PPFIA1: variants seen among roughly 807,000 people sequenced by gnomAD.
PPFIA1 encodes PPFI scaffold protein A1.
PPFIA1 carries 25 observed loss-of-function variants against 149.9 expected under a neutral mutation model. That is an observed-to-expected ratio of 0.17 (90% confidence interval 0.12 to 0.23). The LOEUF is 0.23. Among genes scored for constraint, PPFIA1 ranks in the 10% least tolerant of loss-of-function variants. The pLI, the probability that PPFIA1 is intolerant of heterozygous loss-of-function variation, is 1.00. For missense variants in PPFIA1, 1,362 were observed against 1,506.5 expected, an observed-to-expected ratio of 0.90 and a Z score of 1.59; for synonymous variants, 549 against 552.8, an observed-to-expected ratio of 0.99 and a Z score of 0.10.
chr11:70,371,269 A>G (rs1035165468), intron 21 of PPFIA1: 4 of 314 alleles, frequency 0.013, no homozygotes, highest in Non-Finnish European at 0.017. Flanking sequence ...AGTCTCTTTA[A>G]GTATGTTGAG....
chr11:70,297,775 C>T (rs1290561426), intron 2 of PPFIA1, among the ~76,000 whole-genome samples: 1 of 152,148 alleles, frequency 6.6e-6, no homozygotes, highest in African/African-American at 2.4e-5. Flanking sequence ...GTCTGTGCTC[C>T]GAGGTTGTCA....
At chr11:70,375,202 ACTTC>A in intron 24 of PPFIA1, 109 bp downstream of exon 24, 2 of 346,730 alleles carry the variant, frequency 5.8e-6, no homozygotes, top group Non-Finnish European at 8.4e-6. Flanking sequence ...AAAAAAAAAA[ACTTC>A]AGACAACTAG....
At chr11:70,360,413 G>A (rs994749562) in intron 19 of PPFIA1, among the ~76,000 whole-genome samples, 1 of 152,244 alleles carries the variant, frequency 6.6e-6, no homozygotes, top group African/African-American at 2.4e-5. Context: ...CGTAAGTTGG[G>A]AACCCTCCTG....
intron 19 of PPFIA1, among the ~76,000 whole-genome samples, chr11:70,361,687 C>T (rs990132795): frequency 6.6e-6 from 1 of 151,616 alleles, no homozygotes; most frequent in Non-Finnish European, 1.5e-5. Context: ...ACAGTCATGG[C>T]CTACTGTAGC....
rs186348838 is a variant in PPFIA1, at chr11:70,348,098, G to A, written c.1932-91G>A. 127 of 1,048,548 alleles carry A rather than the reference G, an allele frequency of 1.2e-4. No individual in the cohort carries two copies. In the African/African-American group the frequency reaches 1.3e-3, roughly 10 times the overall value. 65.0% of individuals were successfully genotyped at this position (1,048,548 alleles called of 1,614,324 possible). ...AGCTTATTACTGGAGTTTACTCATA[G>A]TAATACAGAGTATAAGCATGGTTTT... On this transcript the variant is annotated intron_variant, in intron 15 of 27. Transcript: ENST00000253925.
intron 11 of PPFIA1, among the ~76,000 whole-genome samples, chr11:70,336,434 G>A (rs1247982638): frequency 6.6e-6 from 1 of 151,518 alleles, no homozygotes; most frequent in Non-Finnish European, 1.5e-5. Context: ...CCCAGGAGGT[G>A]GAGGTTGTAG....
At chr11:70,351,039 A>G in intron 16 of PPFIA1, 1 of 1,211,042 alleles carries the variant, frequency 8.3e-7, no homozygotes, top group Non-Finnish European at 1.1e-6. Context: ...TTGTTTAGTA[A>G]TTTAACATAT....
At chr11:70,365,832 T>C (rs2056898021) in intron 21 of PPFIA1, 1 of 409,942 alleles carries the variant, frequency 2.4e-6, no homozygotes, top group Non-Finnish European at 4.8e-6. Flanking sequence ...GTCTGAACTT[T>C]TTCACTCAGT....
At chr11:70,342,905 A>T (rs1457838235) in intron 14 of PPFIA1, among the ~76,000 whole-genome samples, 2 of 99,030 alleles carry the variant, frequency 2.0e-5, no homozygotes, top group African/African-American at 7.4e-5. Context: ...CATTCAAGTT[A>T]TTCCCTTGCA....
chr11:70,330,353 GTTAATTA>G, intron 8 of PPFIA1, 34 bp downstream of exon 8: 1 of 1,516,116 alleles, frequency 6.6e-7, no homozygotes. Flanking sequence ...TCTGGCTTTA[GTTAATTA>G]TTAATGAAGT....
At chr11:70,299,197 C>T (rs2052303597) in intron 2 of PPFIA1, among the ~76,000 whole-genome samples, 1 of 152,092 alleles carries the variant, frequency 6.6e-6, no homozygotes, top group Non-Finnish European at 1.5e-5. Flanking sequence ...CAAGATTGCA[C>T]CACTGCACTC....
Position 70,383,150 on chromosome 11 carries a change from A to C in PPFIA1, c.*160A>C, listed in dbSNP as rs1424217260. ...TTACAGAGTTTTTAATTAGTGAAAA[A>C]TTCATGAATACCATAGAGAAAATAT... On this transcript the variant is annotated 3_prime_UTR_variant, in exon 28 of 28. Coordinates refer to ENST00000253925, the MANE Select transcript of PPFIA1 (RefSeq NM_003626.5). 1.7e-5 allele frequency: 6 copies of C among 363,246 alleles called. No homozygotes were observed. The allele number at this position is 363,246 out of a possible 1,614,324, so 22.5% of individuals were successfully genotyped here.
At chr11:70,339,915 C>T (rs974401582) in intron 14 of PPFIA1, among the ~76,000 whole-genome samples, 2 of 152,070 alleles carry the variant, frequency 1.3e-5, no homozygotes, top group Non-Finnish European at 2.9e-5. Context: ...ACTCAGAAGG[C>T]TGAGGCAGAA....
At chr11:70,288,358 C>G (rs1461134316) in intron 2 of PPFIA1, among the ~76,000 whole-genome samples, 1 of 152,236 alleles carries the variant, frequency 6.6e-6, no homozygotes, top group Admixed American at 6.5e-5. Flanking sequence ...GCATCAGCCA[C>G]CGCGCCCGGC....
rs75851373 is a variant in PPFIA1 at position 70,383,923 on chromosome 11, C to T, written c.*933C>T. 0.032 allele frequency: 4,919 copies of T among 152,446 alleles called. 107 individuals are homozygous for T. The highest frequency in any genetic ancestry group is 0.055 in the East Asian group (287 of 5,196). The allele number at this position is 152,446 out of a possible 1,614,324, so 9.4% of individuals were successfully genotyped here. ...ACCACGCTCTCATCCTGCAAGTCGG[C>T]GCACACAGTGGATGAAGGCAGGAGA... On this transcript the variant is annotated 3_prime_UTR_variant, in exon 28 of 28. Transcript: ENST00000253925.
At chr11:70,273,523 C>A (rs1454882143) in intron 2 of PPFIA1, among the ~76,000 whole-genome samples, 1 of 152,112 alleles carries the variant, frequency 6.6e-6, no homozygotes, top group Non-Finnish European at 1.5e-5. Flanking sequence ...TTCAGGTAGA[C>A]CCGCATAAGC....
At chr11:70,278,223 T>C (rs1211791584) in intron 2 of PPFIA1, among the ~76,000 whole-genome samples, 1 of 151,786 alleles carries the variant, frequency 6.6e-6, no homozygotes, top group Non-Finnish European at 1.5e-5. Context: ...TTTTTTTAAA[T>C]GTGATGTTTC....
chr11:70,340,255 A>C (rs927498343), intron 14 of PPFIA1, among the ~76,000 whole-genome samples: 4 of 152,130 alleles, frequency 2.6e-5, no homozygotes, highest in African/African-American at 7.2e-5. Flanking sequence ...CAGCCTGGGC[A>C]TCATAGTAGG....
intron 15 of PPFIA1, among the ~76,000 whole-genome samples, chr11:70,347,959 C>T (rs757243038): frequency 1.3e-5 from 2 of 152,092 alleles, no homozygotes; most frequent in Non-Finnish European, 2.9e-5. Flanking sequence ...GCCGAGATCG[C>T]GCCACTGCAC....
Sources: gnomAD v4.1 joint callset for allele counts (sites outside exome capture counted in the v4.1 genomes callset) on GRCh38, gnomAD v4.1.1 for gene constraint, MANE v1.5 for transcripts, NCBI Gene and HGNC (gene_info 2026-07-23, HGNC 2026-07-21) for gene names.